Variants in MACROD2 observed in about 807,000 individuals in gnomAD.
MACROD2 encodes ADP-ribose glycohydrolase MACROD2.
MACROD2 carries 36 observed loss-of-function variants against 70.4 expected under a neutral mutation model. The ratio of observed to expected loss-of-function variants is 0.51; its 90% CI spans 0.39 to 0.68. The LOEUF (loss-of-function observed/expected upper bound fraction) is 0.68. Among genes scored for constraint, MACROD2 ranks in the 30% least tolerant of loss-of-function variants. The probability of loss-of-function intolerance (pLI) is 0.00; values close to 1 mark genes in which losing one functional copy is unlikely to be tolerated. For missense variants in MACROD2, 496 were observed against 538.4 expected, an observed-to-expected ratio of 0.92 and a Z score of 0.78; for synonymous variants, 172 against 178.8, an observed-to-expected ratio of 0.96 and a Z score of 0.30.
chr20:14,150,335 C>T (rs779358657), intron 3 of MACROD2, among the ~76,000 whole-genome samples: 1 of 152,156 alleles, frequency 6.6e-6, no homozygotes, highest in Non-Finnish European at 1.5e-5. Flanking sequence ...GTAACTTCTT[C>T]TAGTAACCTG....
intron 15 of MACROD2, among the ~76,000 whole-genome samples, chr20:16,039,073 CCTGCAGG>C (rs2067273453): frequency 6.6e-6 from 1 of 151,942 alleles, no homozygotes; most frequent in Non-Finnish European, 1.5e-5. Context: ...TCACAAAACA[CCTGCAGG>C]CTCTATTCAA....
chr20:13,997,189 A>C (rs1311978222), intron 1 of MACROD2, among the ~76,000 whole-genome samples: 12 of 152,222 alleles, frequency 7.9e-5, no homozygotes, highest in African/African-American at 2.9e-4. Context: ...ATTATGTTTT[A>C]ATAATTATGG....
chr20:15,350,193 T>C (rs1031446102), intron 6 of MACROD2, among the ~76,000 whole-genome samples: 3 of 152,158 alleles, frequency 2.0e-5, no homozygotes, highest in African/African-American at 7.2e-5. Context: ...TTGGCATTTG[T>C]TTTTTCGTCA....
intron 4 of MACROD2, among the ~76,000 whole-genome samples, chr20:14,601,058 C>T (rs1265951217): frequency 6.6e-6 from 1 of 152,066 alleles, no homozygotes; most frequent in Non-Finnish European, 1.5e-5. Flanking sequence ...CATCTGTAAA[C>T]ACTGAGTTAT....
At chr20:14,875,421 A>C (rs2073539472) in intron 5 of MACROD2, among the ~76,000 whole-genome samples, 3 of 152,132 alleles carry the variant, frequency 2.0e-5, no homozygotes, top group Admixed American at 1.3e-4. Flanking sequence ...GTTCATCAAA[A>C]TTTATGCATC....
At chr20:15,995,662 T>TTTTTTTTTTTTTTTG (rs2066620321) in intron 15 of MACROD2, among the ~76,000 whole-genome samples, 1 of 146,452 alleles carries the variant, frequency 6.8e-6, no homozygotes, top group Non-Finnish European at 1.5e-5. Context: ...TTTTTTTTTT[T>TTTTTTTTTTTTTTTG]TTTTTTTAAC....
At chr20:14,606,946 A>G (rs1374476011) in intron 4 of MACROD2, among the ~76,000 whole-genome samples, 2 of 152,206 alleles carry the variant, frequency 1.3e-5, no homozygotes, top group African/African-American at 4.8e-5. Context: ...GTGCACACAC[A>G]CACAATTCAA....
At chr20:14,127,755 A>G (rs2054670769) in intron 3 of MACROD2, 2 of 438,838 alleles carry the variant, frequency 4.6e-6, no homozygotes, top group Non-Finnish European at 8.8e-6. Context: ...CAAAGAACAG[A>G]TAAAAGGAGG....
chr20:14,911,342 T>C (rs957220954), intron 5 of MACROD2, among the ~76,000 whole-genome samples: 1 of 152,104 alleles, frequency 6.6e-6, no homozygotes, highest in African/African-American at 2.4e-5. Flanking sequence ...TTTTCTTTTG[T>C]ATAGCTATCA....
chr20:14,650,902 C>G (rs1985643571), intron 4 of MACROD2, among the ~76,000 whole-genome samples: 1 of 152,070 alleles, frequency 6.6e-6, no homozygotes, highest in Admixed American at 6.6e-5. Flanking sequence ...AAACCCCAAA[C>G]AGGGATAGTT....
intron 5 of MACROD2, among the ~76,000 whole-genome samples, chr20:14,862,926 A>G (rs931103227): frequency 1.3e-5 from 2 of 151,028 alleles, no homozygotes; most frequent in African/African-American, 4.9e-5. Context: ...TTAGTTAAAT[A>G]GTAATACAAA....
At chr20:14,977,719 A>C (rs938799227) in intron 5 of MACROD2, among the ~76,000 whole-genome samples, 11 of 152,124 alleles carry the variant, frequency 7.2e-5, no homozygotes, top group African/African-American at 2.7e-4. Context: ...GGCGATGATG[A>C]TGGCAGCAGT....
At chr20:14,756,074 C>A (rs6131606) in intron 5 of MACROD2, among the ~76,000 whole-genome samples, 2 of 151,964 alleles carry the variant, frequency 1.3e-5, no homozygotes, top group African/African-American at 4.8e-5. Context: ...ATTTATTTTA[C>A]AAGAAAATAA....
intron 8 of MACROD2, among the ~76,000 whole-genome samples, chr20:15,734,166 T>C (rs1282960625): frequency 6.6e-6 from 1 of 152,212 alleles, no homozygotes; most frequent in Admixed American, 6.5e-5. Flanking sequence ...CGGATGTCAG[T>C]ACCCTATGCA....
Position 14,825,805 on chromosome 20 carries a change from T to G in MACROD2, c.418+140846T>G, listed in dbSNP as rs1668048263. On this transcript the variant is annotated intron_variant, in intron 5 of 17. Transcript: ENST00000684519. The stretch of plus-strand genomic sequence containing the variant: ...CTCATTAGTGACCTGGTATTTGGGC[T>G]TGTCTGAAAGGAGAGCATCCGTTGT... Among the ~76,000 whole-genome samples, 7 of 152,170 alleles carry G rather than the reference T, an allele frequency of 4.6e-5. No individual in the cohort carries two copies. The South Asian group carries it at 1.2e-3, about 27-fold the overall frequency.
intron 4 of MACROD2, among the ~76,000 whole-genome samples, chr20:14,521,445 A>T (rs2085168218): frequency 6.6e-6 from 1 of 152,220 alleles, no homozygotes. Context: ...TTTCTATATT[A>T]CATTAAATAA....
intron 3 of MACROD2, among the ~76,000 whole-genome samples, chr20:14,424,745 C>G (rs375855557): frequency 7.2e-5 from 11 of 152,268 alleles, no homozygotes; most frequent in African/African-American, 2.6e-4. Flanking sequence ...TTCAGCATCC[C>G]TGGAGCCCCA....
At chr20:14,182,714 G>A (rs895195937) in intron 3 of MACROD2, among the ~76,000 whole-genome samples, 1 of 152,064 alleles carries the variant, frequency 6.6e-6, no homozygotes, top group African/African-American at 2.4e-5. Context: ...ACTCTTAAGT[G>A]TGAGATGAAA....
At chr20:14,350,685 T>C (rs1601518872) in intron 3 of MACROD2, among the ~76,000 whole-genome samples, 1 of 152,204 alleles carries the variant, frequency 6.6e-6, no homozygotes, top group African/African-American at 2.4e-5. Flanking sequence ...AGTTTACAGA[T>C]ATTTTCTCCT....
Sources: gnomAD v4.1 joint callset for allele counts (sites outside exome capture counted in the v4.1 genomes callset) on GRCh38, gnomAD v4.1.1 for gene constraint, MANE v1.5 for transcripts, NCBI Gene and HGNC (gene_info 2026-07-23, HGNC 2026-07-21) for gene names.